Variants in CIMIP4 observed in about 807,000 individuals in gnomAD.
CIMIP4 encodes ciliary microtubule inner protein 4.
At chr22:37,004,052 G>A in the CIMIP4 span, 31 of 1,530,138 alleles carry the variant, frequency 2.0e-5, no homozygotes, top group Middle Eastern at 6.8e-4. Flanking sequence ...ACGTTTCATC[G>A]TCTCAGATAA....
the CIMIP4 span, chr22:37,004,113 C>A: frequency 1.6e-6 from 2 of 1,224,742 alleles, no homozygotes; most frequent in East Asian, 5.5e-5. Context: ...ACAGGAAGGC[C>A]TGTGGCTGTC....
the CIMIP4 span, among the ~76,000 whole-genome samples, chr22:37,001,674 A>G: frequency 3.9e-5 from 6 of 152,224 alleles, no homozygotes; most frequent in African/African-American, 9.7e-5. Context: ...ACAACTTGTT[A>G]TATGTGAAGT....
At chr22:37,004,693 CTT>C in the CIMIP4 span, among the ~76,000 whole-genome samples, 4 of 146,096 alleles carry the variant, frequency 2.7e-5, no homozygotes, top group Admixed American at 6.8e-5. Context: ...TGTGATCTTT[CTT>C]TTTTTTTTTT....
At chr22:37,002,303 C>G in the CIMIP4 span, 2 of 1,411,200 alleles carry the variant, frequency 1.4e-6, no homozygotes, top group Non-Finnish European at 9.3e-7. Flanking sequence ...AGTGGTTGTA[C>G]CTGAGCAGGA....
chr22:36,999,050 C>G, the CIMIP4 span, among the ~76,000 whole-genome samples: 14 of 152,030 alleles, frequency 9.2e-5, no homozygotes, highest in South Asian at 1.2e-3. Context: ...GAGCTTTGAA[C>G]CAAAGAAACT....
the CIMIP4 span, chr22:37,003,818 GC>G: frequency 1.3e-5 from 8 of 639,972 alleles, no homozygotes; most frequent in African/African-American, 5.7e-5. Flanking sequence ...CCAACAGAAT[GC>G]CCCCCTAGGA....
chr22:36,994,110 TC>T, the CIMIP4 span, among the ~76,000 whole-genome samples: 2 of 152,082 alleles, frequency 1.3e-5, no homozygotes, highest in East Asian at 3.9e-4. Flanking sequence ...ATTGAAATAA[TC>T]TCAAAATAGA....
the CIMIP4 span, chr22:36,999,858 G>T: frequency 8.7e-6 from 14 of 1,613,444 alleles, no homozygotes; most frequent in Non-Finnish European, 1.2e-5. Flanking sequence ...AAGTTTGACC[G>T]CATGTTGTAG....
chr22:36,994,100 A>G, the CIMIP4 span, among the ~76,000 whole-genome samples: 5,004 of 152,304 alleles, frequency 0.033, 113 homozygotes, highest in Non-Finnish European at 0.048. Context: ...AACTTGCTAC[A>G]TTGAAATAAT....
the CIMIP4 span, among the ~76,000 whole-genome samples, chr22:37,002,969 G>C: frequency 1.3e-5 from 2 of 152,178 alleles, no homozygotes; most frequent in African/African-American, 4.8e-5. Context: ...CGCTTCTCTA[G>C]GTCTCTTGCT....
chr22:37,001,196 G>A, the CIMIP4 span, among the ~76,000 whole-genome samples: 1 of 151,858 alleles, frequency 6.6e-6, no homozygotes, highest in African/African-American at 2.4e-5. Context: ...GGGTGGAAAA[G>A]AGTGCTGGCA....
the CIMIP4 span, among the ~76,000 whole-genome samples, chr22:36,995,706 G>T: frequency 6.6e-6 from 1 of 152,072 alleles, no homozygotes; most frequent in Non-Finnish European, 1.5e-5. Context: ...CTTTATAAGG[G>T]GAAACTTCTT....
At chr22:36,991,613 C>A in the CIMIP4 span, 12 of 1,604,930 alleles carry the variant, frequency 7.5e-6, no homozygotes, top group Non-Finnish European at 9.4e-6. Context: ...CATGAAGAAA[C>A]CCCAAGTGCC....
chr22:37,001,955 C>A, the CIMIP4 span: 3 of 1,613,976 alleles, frequency 1.9e-6, no homozygotes, highest in South Asian at 3.3e-5. Context: ...AGCCCCCAAG[C>A]TGGGACCGTC....
chr22:36,999,379 G>T, the CIMIP4 span, among the ~76,000 whole-genome samples: 1 of 149,944 alleles, frequency 6.7e-6, no homozygotes, highest in South Asian at 2.2e-4. Flanking sequence ...ACTTATGGGG[G>T]CAGGGGGGTA....
the CIMIP4 span, among the ~76,000 whole-genome samples, chr22:37,000,573 A>G: frequency 6.6e-6 from 1 of 152,002 alleles, no homozygotes; most frequent in Non-Finnish European, 1.5e-5. Flanking sequence ...CCTCTTCTCC[A>G]CTCTAGGCCT....
chr22:36,999,732 C>T, the CIMIP4 span: 1 of 1,370,934 alleles, frequency 7.3e-7, no homozygotes, highest in Non-Finnish European at 9.9e-7. Flanking sequence ...TGAAGATGTG[C>T]CCTGGGGTCC....
chr22:36,995,382 C>T, the CIMIP4 span, among the ~76,000 whole-genome samples: 5 of 152,350 alleles, frequency 3.3e-5, no homozygotes, highest in African/African-American at 4.8e-5. Flanking sequence ...CAGATGAGGA[C>T]CTTCATGTTA....
the CIMIP4 span, among the ~76,000 whole-genome samples, chr22:36,996,319 C>T: frequency 2.0e-5 from 3 of 151,852 alleles, no homozygotes; most frequent in African/African-American, 7.3e-5. Context: ...AATTGGTGAG[C>T]TGCATAAAGC....
Sources: gnomAD v4.1 joint callset for allele counts (sites outside exome capture counted in the v4.1 genomes callset) on GRCh38, gnomAD v4.1.1 for gene constraint, MANE v1.5 for transcripts, NCBI Gene and HGNC (gene_info 2026-07-23, HGNC 2026-07-21) for gene names.